The following SGCD variants were observed in gnomAD, a reference collection of about 807,000 sequenced individuals.
The protein encoded by SGCD is delta-sarcoglycan.
Under a neutral mutation model 36.6 loss-of-function variants are expected in SGCD, and 18 were observed. The observed-to-expected ratio is 0.49, with a 90% CI of 0.34 to 0.73. SGCD has a LOEUF of 0.73. SGCD is among the 30% of genes least tolerant of loss of function. The pLI, the probability that SGCD is intolerant of heterozygous loss-of-function variation, is 0.01. For missense variants in SGCD, 387 were observed against 346.7 expected, an observed-to-expected ratio of 1.12 and a Z score of -0.92; for synonymous variants, 133 against 130.6, an observed-to-expected ratio of 1.02 and a Z score of -0.12.
intron 3 of SGCD, among the ~76,000 whole-genome samples, chr5:156,192,091 C>A (rs1473690700): frequency 6.6e-5 from 10 of 152,116 alleles, no homozygotes; most frequent in Non-Finnish European, 1.0e-4. Context: ...CCAGAGATTA[C>A]TGGTCTGTAA....
chr5:155,928,563 G>T (rs1757037086), intron 1 of SGCD, among the ~76,000 whole-genome samples: 1 of 151,050 alleles, frequency 6.6e-6, no homozygotes, highest in Admixed American at 6.6e-5. Flanking sequence ...AGCTACTGAG[G>T]AGGTTGAGGC....
intron 3 of SGCD, among the ~76,000 whole-genome samples, chr5:156,504,408 ATATATATATATATATATGTCAATGTG>A (rs1756607220): frequency 9.6e-6 from 1 of 103,730 alleles, no homozygotes; most frequent in Non-Finnish European, 2.3e-5. Flanking sequence ...ATATATATAT[ATATATATATATATATATGTCAATGTG>A]TATATATATT....
intron 3 of SGCD, among the ~76,000 whole-genome samples, chr5:156,217,766 A>G (rs1764610354): frequency 1.3e-5 from 2 of 152,166 alleles, no homozygotes; most frequent in Non-Finnish European, 2.9e-5. Context: ...ATATATAGCC[A>G]GGTAAAAAGA....
the SGCD span, among the ~76,000 whole-genome samples, chr5:155,825,728 G>GTT: frequency 0.16 from 23,465 of 146,226 alleles, 2,103 homozygotes; most frequent in Admixed American, 0.26. Flanking sequence ...TTTATTATTT[G>GTT]TTTTTTTTTT....
intron 3 of SGCD, among the ~76,000 whole-genome samples, chr5:156,290,996 A>G (rs1015691884): frequency 1.3e-5 from 2 of 152,156 alleles, no homozygotes; most frequent in Non-Finnish European, 2.9e-5. Context: ...TGTGGATAAC[A>G]TAATCTGAGG....
chr5:156,557,797 C>T (rs1759088729), intron 4 of SGCD, among the ~76,000 whole-genome samples: 2 of 152,092 alleles, frequency 1.3e-5, no homozygotes, highest in Non-Finnish European at 2.9e-5. Flanking sequence ...TTTTCCTGTC[C>T]TCCTCTTATA....
intron 7 of SGCD, among the ~76,000 whole-genome samples, chr5:156,684,997 G>T (rs975063634): frequency 6.6e-6 from 1 of 152,118 alleles, no homozygotes; most frequent in African/African-American, 2.4e-5. Context: ...GGGTGAAAAA[G>T]ATATACTCGC....
intron 3 of SGCD, among the ~76,000 whole-genome samples, chr5:156,499,107 A>G (rs1756339751): frequency 6.6e-6 from 1 of 152,144 alleles, no homozygotes; most frequent in South Asian, 2.1e-4. Context: ...GTGATGGTTA[A>G]GGAATTTTGT....
At chr5:156,070,264 G>T (rs1005695859) in intron 1 of SGCD, among the ~76,000 whole-genome samples, 2 of 151,846 alleles carry the variant, frequency 1.3e-5, no homozygotes, top group African/African-American at 4.9e-5. Context: ...ATTGGCTGTG[G>T]GTTTGTCATA....
At chr5:156,504,235 G>A (rs1756590678) in intron 3 of SGCD, among the ~76,000 whole-genome samples, 1 of 151,036 alleles carries the variant, frequency 6.6e-6, no homozygotes. Flanking sequence ...ATAAAGTACA[G>A]ATAAGCAAAA....
chr5:156,301,750 G>A (rs1346239819), intron 3 of SGCD, among the ~76,000 whole-genome samples: 1 of 150,082 alleles, frequency 6.7e-6, no homozygotes, highest in African/African-American at 2.4e-5. Flanking sequence ...TCTGTTTCAT[G>A]TTTGAAAGAT....
At chr5:156,586,324 T>G (rs1460334969) in intron 4 of SGCD, among the ~76,000 whole-genome samples, 1 of 152,210 alleles carries the variant, frequency 6.6e-6, no homozygotes, top group Non-Finnish European at 1.5e-5. Context: ...AAAGTGCCAT[T>G]GTCTTTTTAT....
In SGCD at chr5:156,623,924, G is replaced by A. The variant is rs150738801; in HGVS notation, c.503-23540G>A. ...GTCCCAGCACAAGAGCCTAAGCAAG[G>A]TCCTCTGGCCTAATTCTTCCTCCAA... is the stretch of plus-strand genomic sequence containing the variant. On this transcript the variant is annotated intron_variant, in intron 6 of 8. Transcript: ENST00000337851. Among the ~76,000 whole-genome samples, 24 of 152,268 alleles carry A rather than the reference G, an allele frequency of 1.6e-4. No homozygotes were observed. In the East Asian group the frequency reaches 4.4e-3, roughly 28 times the overall value.
chr5:155,813,615 G>A, the SGCD span, among the ~76,000 whole-genome samples: 2 of 152,220 alleles, frequency 1.3e-5, no homozygotes, highest in South Asian at 4.1e-4. Context: ...TTGGCATCCT[G>A]CTTGGGATTC....
At chr5:156,069,189 G>C in intron 1 of SGCD, among the ~76,000 whole-genome samples, 1 of 152,104 alleles carries the variant, frequency 6.6e-6, no homozygotes, top group Non-Finnish European at 1.5e-5. Flanking sequence ...TAGACATAAA[G>C]TCCTTGCCCA....
At chr5:156,450,716 T>A (rs1008376452) in intron 3 of SGCD, among the ~76,000 whole-genome samples, 1 of 152,102 alleles carries the variant, frequency 6.6e-6, no homozygotes, top group Non-Finnish European at 1.5e-5. Context: ...CAAATCATAA[T>A]AAATATTGTG....
chr5:156,060,285 G>A (rs1723017678), intron 1 of SGCD, among the ~76,000 whole-genome samples: 1 of 146,086 alleles, frequency 6.8e-6, no homozygotes, highest in Non-Finnish European at 1.5e-5. Flanking sequence ...GTGTGGCTTT[G>A]AATTATCAGA....
chr5:155,736,262 A>G, the SGCD span, among the ~76,000 whole-genome samples: 1 of 152,176 alleles, frequency 6.6e-6, no homozygotes, highest in Non-Finnish European at 1.5e-5. Context: ...GAAATATCTC[A>G]ACCTCGCATC....
At chr5:156,263,287 G>A (rs184711395) in intron 3 of SGCD, among the ~76,000 whole-genome samples, 1 of 151,862 alleles carries the variant, frequency 6.6e-6, no homozygotes, top group African/African-American at 2.4e-5. Context: ...TCTGACTATG[G>A]CCATTCTTGC....
Sources: allele counts gnomAD v4.1 joint callset (sites outside exome capture counted in the v4.1 genomes callset), GRCh38; gene constraint gnomAD v4.1.1; transcripts MANE v1.5; gene names NCBI Gene and HGNC (gene_info 2026-07-23, HGNC 2026-07-21).